Variants in GRIK1 observed in about 807,000 individuals in gnomAD.
GRIK1 encodes glutamate receptor ionotropic, kainate 1.
A neutral mutation model predicts 105.7 loss-of-function variants in GRIK1; 69 were observed. The observed-to-expected ratio is 0.65, with a 90% CI of 0.54 to 0.80. GRIK1 has a LOEUF of 0.80. Among genes scored for constraint, GRIK1 ranks in the 30% least tolerant of loss-of-function variants. The probability of loss-of-function intolerance (pLI) is 0.00; values close to 1 mark genes in which losing one functional copy is unlikely to be tolerated. For missense variants in GRIK1, 1,109 were observed against 1,167.3 expected, an observed-to-expected ratio of 0.95 and a Z score of 0.73; for synonymous variants, 438 against 431.3, an observed-to-expected ratio of 1.02 and a Z score of -0.19.
At chr21:29,604,095 C>A (rs1363537109) in intron 7 of GRIK1, among the ~76,000 whole-genome samples, 1 of 152,144 alleles carries the variant, frequency 6.6e-6, no homozygotes, top group Non-Finnish European at 1.5e-5. Context: ...GATCAGAAAT[C>A]CAATTTCATT....
Position 29,846,064 on chromosome 21 carries a change from A to G in GRIK1, c.118+93319T>C, listed in dbSNP as rs114980746. ...CTTTGCGCCCTGGATCCTCCTCCCC[A>G]CTGGCCAAATAGAAAATGGAAGACA... On this transcript the variant is annotated intron_variant, in intron 1 of 17. Coordinates refer to ENST00000327783, the MANE Select transcript of GRIK1 (RefSeq NM_001330994.2). Among the ~76,000 whole-genome samples, 199 of 151,912 alleles carry G rather than the reference A, an allele frequency of 1.3e-3. 1 individual carries two copies. The highest frequency in any genetic ancestry group is 4.7e-3 in the African/African-American group (196 of 41,398).
intron 4 of GRIK1, among the ~76,000 whole-genome samples, chr21:29,660,718 TACTG>T (rs770776455): frequency 6.6e-6 from 1 of 152,236 alleles, no homozygotes; most frequent in Non-Finnish European, 1.5e-5. Context: ...TGGAAGTTTA[TACTG>T]ACTAAGCCGA....
At chr21:29,720,679 T>G (rs947439855) in intron 1 of GRIK1, among the ~76,000 whole-genome samples, 1 of 152,144 alleles carries the variant, frequency 6.6e-6, no homozygotes. Context: ...TGGAACACTC[T>G]TACTCAGCTT....
intron 1 of GRIK1, among the ~76,000 whole-genome samples, chr21:29,765,050 A>G (rs183883406): frequency 6.6e-6 from 1 of 152,344 alleles, no homozygotes; most frequent in East Asian, 1.9e-4. Context: ...TGGAGAAAAA[A>G]TAGTGAGATA....
intron 1 of GRIK1, among the ~76,000 whole-genome samples, chr21:29,804,606 C>T (rs1427972826): frequency 6.6e-6 from 1 of 152,094 alleles, no homozygotes. Context: ...GATAGTAGGG[C>T]AAATTATTTT....
At chr21:29,569,496 C>A (rs531488120) in intron 14 of GRIK1, among the ~76,000 whole-genome samples, 1 of 152,210 alleles carries the variant, frequency 6.6e-6, no homozygotes, top group African/African-American at 2.4e-5. Flanking sequence ...AGATCTCCAA[C>A]AAAAACACTT....
intron 7 of GRIK1, among the ~76,000 whole-genome samples, chr21:29,636,195 A>C (rs994775117): frequency 6.6e-6 from 1 of 152,246 alleles, no homozygotes; most frequent in Admixed American, 6.5e-5. Context: ...CAGAAGGATC[A>C]GTCTCAGAGA....
At chr21:29,703,230 T>C (rs1268321737) in intron 1 of GRIK1, among the ~76,000 whole-genome samples, 1 of 152,214 alleles carries the variant, frequency 6.6e-6, no homozygotes, top group Non-Finnish European at 1.5e-5. Flanking sequence ...AACTAACTTC[T>C]GTGTGCCTGT....
At chr21:29,801,877 T>A (rs1192092342) in intron 1 of GRIK1, among the ~76,000 whole-genome samples, 1 of 152,172 alleles carries the variant, frequency 6.6e-6, no homozygotes, top group Non-Finnish European at 1.5e-5. Flanking sequence ...TTTTCTTTTC[T>A]TTTTTTCTTT....
intron 1 of GRIK1, among the ~76,000 whole-genome samples, chr21:29,869,466 G>A (rs895825767): frequency 6.6e-6 from 1 of 152,198 alleles, no homozygotes; most frequent in African/African-American, 2.4e-5. Flanking sequence ...AATGAAATAG[G>A]AAAGCATTGA....
chr21:29,758,807 C>T (rs961980394), intron 1 of GRIK1: 3 of 152,724 alleles, frequency 2.0e-5, no homozygotes, highest in Admixed American at 1.3e-4. Flanking sequence ...AATGGACCCT[C>T]TTCTAGTCCA....
intron 1 of GRIK1, among the ~76,000 whole-genome samples, chr21:29,700,515 A>G (rs373749042): frequency 1.3e-5 from 2 of 152,338 alleles, no homozygotes; most frequent in Middle Eastern, 3.4e-3. Flanking sequence ...CCCACATTAT[A>G]TGGAGAGAAT....
chr21:29,706,740 A>C (rs1008535243), intron 1 of GRIK1, among the ~76,000 whole-genome samples: 5 of 152,268 alleles, frequency 3.3e-5, no homozygotes, highest in African/African-American at 1.2e-4. Flanking sequence ...GGAATGCCTC[A>C]AATAAGAACT....
intron 1 of GRIK1, among the ~76,000 whole-genome samples, chr21:29,924,122 G>A (rs764157904): frequency 4.6e-5 from 7 of 151,956 alleles, no homozygotes; most frequent in Non-Finnish European, 8.8e-5. Flanking sequence ...AGTGGATCAC[G>A]AGGTCAGGAG....
At chr21:29,800,602 C>T (rs1295487014) in intron 1 of GRIK1, among the ~76,000 whole-genome samples, 1 of 152,128 alleles carries the variant, frequency 6.6e-6, no homozygotes, top group African/African-American at 2.4e-5. Flanking sequence ...TCTGTTGGCT[C>T]AATAAACCAA....
At chr21:29,574,427 T>C (rs1404223979) in intron 14 of GRIK1, among the ~76,000 whole-genome samples, 1 of 152,182 alleles carries the variant, frequency 6.6e-6, no homozygotes, top group Non-Finnish European at 1.5e-5. Context: ...ATTTCAGATA[T>C]TTTTTCAGAT....
chr21:29,594,485 G>A (rs2061375280), intron 9 of GRIK1, among the ~76,000 whole-genome samples: 1 of 151,678 alleles, frequency 6.6e-6, no homozygotes, highest in Non-Finnish European at 1.5e-5. Flanking sequence ...TCATTTACCA[G>A]TGAGAAGTAG....
intron 13 of GRIK1, among the ~76,000 whole-genome samples, chr21:29,580,373 G>T: frequency 6.6e-6 from 1 of 151,794 alleles, no homozygotes; most frequent in East Asian, 1.9e-4. Context: ...AAATCAGATG[G>T]CATCTATACT....
At chr21:29,790,884 G>C (rs1391567862) in intron 1 of GRIK1, among the ~76,000 whole-genome samples, 3 of 152,174 alleles carry the variant, frequency 2.0e-5, no homozygotes, top group Non-Finnish European at 1.5e-5. Flanking sequence ...ATTCCAGGTG[G>C]GGTGATGGAT....
Sources: gnomAD v4.1 joint callset for allele counts (sites outside exome capture counted in the v4.1 genomes callset) on GRCh38, gnomAD v4.1.1 for gene constraint, MANE v1.5 for transcripts, NCBI Gene and HGNC (gene_info 2026-07-23, HGNC 2026-07-21) for gene names.